Variants in TMEM9 observed in about 807,000 individuals in gnomAD.
TMEM9 encodes the protein proton-transporting V-type ATPase complex assembly regulator TMEM9.
TMEM9 carries 13 observed loss-of-function variants against 22.8 expected under a neutral mutation model. That is an observed-to-expected ratio of 0.57 (90% CI 0.37 to 0.91). The LOEUF (loss-of-function observed/expected upper bound fraction) is 0.91, where lower values mean the gene tolerates loss of function less well. Ranked by LOEUF, TMEM9 falls within the 40% of genes least tolerant of loss-of-function variation. The probability of loss-of-function intolerance (pLI) is 0.01; values close to 1 mark genes in which losing one functional copy is unlikely to be tolerated. For missense variants in TMEM9, 182 were observed against 238.1 expected (o/e 0.76, Z 1.55); for synonymous variants, 88 against 93.0 (o/e 0.95, Z 0.31).
At chr1:201,152,005 A>G in intron 1 of TMEM9, among the ~76,000 whole-genome samples, 153 bp from the exon 2 acceptor site, 1 of 152,336 alleles carries the variant, frequency 6.6e-6, no homozygotes, top group South Asian at 2.1e-4. Context: ...GTTCAAATCC[A>G]GCAAGGACTG....
At chr1:201,156,772 T>G (rs1665808854), upstream of TMEM9, among the ~76,000 whole-genome samples, 1 of 152,226 alleles carries the variant, frequency 6.6e-6, no homozygotes, top group African/African-American at 2.4e-5. Flanking sequence ...ACCTATTCAT[T>G]AAATTTAATT....
At chr1:201,138,653 T>A (rs919783893) in intron 4 of TMEM9, among the ~76,000 whole-genome samples, 1 of 152,244 alleles carries the variant, frequency 6.6e-6, no homozygotes. Context: ...AGTGTGACTA[T>A]GACAAGTGCC....
upstream of TMEM9, among the ~76,000 whole-genome samples, chr1:201,156,509 C>T (rs988327039): frequency 6.6e-6 from 1 of 152,190 alleles, no homozygotes; most frequent in Admixed American, 6.5e-5. Context: ...CTGCACTTCC[C>T]CACCCCATCT....
intron 4 of TMEM9, among the ~76,000 whole-genome samples, chr1:201,139,581 T>C (rs1157301396): frequency 6.6e-6 from 1 of 152,122 alleles, no homozygotes; most frequent in African/African-American, 2.4e-5. Context: ...CCTCCCCCCT[T>C]ACCCCCCAGC....
chr1:201,167,047 A>AT (rs11409952), intron 1 of TMEM9, among the ~76,000 whole-genome samples: 7,609 of 152,260 alleles, frequency 0.05, 201 homozygotes, highest in Middle Eastern at 0.088. Flanking sequence ...ATAGAGATGT[A>AT]TTTTTTTATT....
intron 4 of TMEM9, among the ~76,000 whole-genome samples, chr1:201,143,155 G>A (rs1479713719): frequency 6.6e-6 from 1 of 152,208 alleles, no homozygotes; most frequent in African/African-American, 2.4e-5. Context: ...TGGGGTCAGT[G>A]GTTCCCCACT....
chr1:201,156,862 C>G (rs559226293), upstream of TMEM9, among the ~76,000 whole-genome samples: 16 of 152,314 alleles, frequency 1.1e-4, no homozygotes, highest in Non-Finnish European at 1.9e-4. Flanking sequence ...ATACAACAGA[C>G]AAATCACATG....
rs777394828 is a variant in TMEM9 at position 201,135,683 on chromosome 1, G to C, written c.532C>G (p.Arg178Gly). Residue 178 changes from arginine to glycine, a missense_variant, in exon 5 of 5, where the codon CGG (arginine) becomes GGG (glycine). Transcript: ENST00000367330. ...VQEQRKTVFDRHKMLS is the reference protein window; with the variant it reads ...VQEQRKTVFDGHKMLS ...CCCATCTAGCTGAGCATCTTGTGCCGATCGAAGACTGTCTTCCGCTGCTCC... is the reference window on the plus strand; with the variant it reads ...CCCATCTAGCTGAGCATCTTGTGCCCATCGAAGACTGTCTTCCGCTGCTCC... 7 of 1,612,816 alleles carry C rather than the reference G, an allele frequency of 4.3e-6. No homozygotes were observed. The Admixed American group carries it at 1.2e-4, about 27-fold the overall frequency.
intron 1 of TMEM9, among the ~76,000 whole-genome samples, chr1:201,168,967 CTTT>C (rs5780055): frequency 1.6e-5 from 2 of 128,606 alleles, no homozygotes; most frequent in Admixed American, 8.0e-5. Context: ...AATTATATTA[CTTT>C]TTTTTTTTTT....
chr1:201,144,468 T>G (rs1167581676), intron 3 of TMEM9: 1 of 157,218 alleles, frequency 6.4e-6, no homozygotes, highest in Non-Finnish European at 1.4e-5. Context: ...GCAGAGTGGC[T>G]AGGGCTGGTA....
intron 2 of TMEM9, among the ~76,000 whole-genome samples, chr1:201,148,426 C>A (rs1046344294): frequency 6.6e-5 from 10 of 152,334 alleles, no homozygotes; most frequent in Non-Finnish European, 1.0e-4. Flanking sequence ...TCATTACTAC[C>A]AATGGAAAAA....
At chr1:201,140,039 A>T in intron 4 of TMEM9, among the ~76,000 whole-genome samples, 1 of 152,184 alleles carries the variant, frequency 6.6e-6, no homozygotes, top group African/African-American at 2.4e-5. Flanking sequence ...TCAGCTTCCC[A>T]GGGCTGGGGT....
intron 4 of TMEM9, among the ~76,000 whole-genome samples, chr1:201,138,956 A>G (rs1664257024): frequency 6.6e-6 from 1 of 152,214 alleles, no homozygotes; most frequent in South Asian, 2.1e-4. Flanking sequence ...CCCCACAGCT[A>G]GAGCAAGAAC....
intron 1 of TMEM9, among the ~76,000 whole-genome samples, chr1:201,167,493 C>A (rs778861042): frequency 6.6e-6 from 1 of 152,132 alleles, no homozygotes; most frequent in Admixed American, 6.5e-5. Context: ...AAAAGCTGTT[C>A]TTGGGTTCTA....
chr1:201,157,387 G>A (rs939545844), upstream of TMEM9, among the ~76,000 whole-genome samples: 3 of 152,170 alleles, frequency 2.0e-5, no homozygotes, highest in Non-Finnish European at 2.9e-5. Context: ...CTGGCCCCCC[G>A]GTAGCCCTTT....
In TMEM9 at chr1:201,135,542, T is replaced by C. The variant is rs951349322; in HGVS notation, c.*121A>G. 5 of 1,083,840 alleles carry C rather than the reference T, an allele frequency of 4.6e-6. No homozygotes were observed. The highest frequency in any genetic ancestry group is 6.4e-6 in the Non-Finnish European group (5 of 784,712). The allele number at this position is 1,083,840 out of a possible 1,614,324, so 67.1% of individuals were successfully genotyped here. ...TAAAGTTAGGGAGAAGGAGGAAAAATGCCACAGGCTTTTAAAGGGAAGACT... is the reference window on the plus strand; with the variant it reads ...TAAAGTTAGGGAGAAGGAGGAAAAACGCCACAGGCTTTTAAAGGGAAGACT... On this transcript the variant is annotated 3_prime_UTR_variant, in exon 5 of 5. Transcript: ENST00000367330.
chr1:201,162,975 A>T (rs1001878580), intron 1 of TMEM9, among the ~76,000 whole-genome samples: 2 of 152,230 alleles, frequency 1.3e-5, no homozygotes, highest in Admixed American at 1.3e-4. Flanking sequence ...CGTCACAGCC[A>T]TTAGGGAAAT....
intron 2 of TMEM9, among the ~76,000 whole-genome samples, chr1:201,149,928 C>T (rs1221431481): frequency 6.6e-6 from 1 of 152,170 alleles, no homozygotes; most frequent in Non-Finnish European, 1.5e-5. Flanking sequence ...CAGTTTACAC[C>T]CACCACCCTT....
chr1:201,143,876 G>C lies in TMEM9; in HGVS notation c.343C>G (p.Leu115Val), dbSNP rs1266194054. 1.2e-6 allele frequency: 2 copies of C among 1,614,112 alleles called. No individual in the cohort carries two copies. The highest frequency in any genetic ancestry group is 1.7e-5 in the Admixed American group (1 of 60,028). The stretch of plus-strand genomic sequence containing the variant: ...GTATATGCATCCGGCTTTCGGATCA[G>C]AGGGTCCACCAGCATCAGGAAGGCC... ...YMAFLMLVDP[L>V]IRKPDAYTEQ... is the part of the protein sequence containing the mutation. Residue 115 changes from leucine to valine, a missense_variant, in exon 4 of 5, where the codon CTG becomes GTG. By Grantham distance (32) the Leu-to-Val change is conservative. Transcript: ENST00000367330.
Sources: gnomAD v4.1 joint callset for allele counts (sites outside exome capture counted in the v4.1 genomes callset) on GRCh38, gnomAD v4.1.1 for gene constraint, MANE v1.5 for transcripts, NCBI Gene and HGNC (gene_info 2026-07-23, HGNC 2026-07-21) for gene names.